The following HIVEP1 variants were observed in gnomAD, a reference collection of about 807,000 sequenced individuals.
The protein encoded by HIVEP1 is zinc finger protein 40.
A neutral mutation model predicts 180.0 loss-of-function variants in HIVEP1; 36 were observed. That is an observed-to-expected ratio of 0.20 (90% confidence interval 0.15 to 0.26). HIVEP1 has a LOEUF of 0.26. Among genes scored for constraint, HIVEP1 ranks in the 10% least tolerant of loss-of-function variants. HIVEP1 has a pLI of 1.00. For synonymous variants in HIVEP1, 1,239 were observed against 1,239.0 expected (o/e 1.00, Z 0.00); for missense variants, 3,143 against 3,268.7 (o/e 0.96, Z 0.94).
intron 3 of HIVEP1, among the ~76,000 whole-genome samples, chr6:12,116,357 A>G (rs1461600283): frequency 6.6e-6 from 1 of 152,216 alleles, no homozygotes; most frequent in East Asian, 1.9e-4. Context: ...TTAGCTGCCC[A>G]CTCTGAGCTG....
Position 12,040,916 on chromosome 6 carries a change from A to G in HIVEP1, c.40+25248A>G, listed in dbSNP as rs561997662. 9.2e-5 allele frequency among the ~76,000 whole-genome samples: 14 copies of G among 152,214 alleles called. 1 individual carries two copies. In the South Asian group the frequency reaches 2.5e-3, roughly 27 times the overall value. The stretch of plus-strand genomic sequence containing the variant: ...GTGCCACACACTTTTAAACAACCAG[A>G]TCTCAGGAGAACTCACTCTCACGAA... On this transcript the variant is annotated intron_variant, in intron 2 of 8. Coordinates refer to ENST00000379388, the MANE Select transcript of HIVEP1 (RefSeq NM_002114.4).
At chr6:12,155,160 C>T (rs219947) in intron 7 of HIVEP1, among the ~76,000 whole-genome samples, 150,118 of 152,332 alleles carry the variant, frequency 0.99, 73,974 homozygotes, top group East Asian at 1. Flanking sequence ...CCACAAAATT[C>T]GAATGTTGTG....
At position 12,125,609 on chromosome 6, in the gene HIVEP1, T is replaced by A. The variant is rs1758017829; in HGVS notation, c.5814T>A (p.Thr1938=). 6.2e-7 allele frequency: 1 copy of A among 1,614,204 alleles called. No individual in the cohort carries two copies. Among genetic ancestry groups the A allele is most frequent in the Non-Finnish European group, 8.5e-7 (1 of 1,180,018 alleles). Residue 1938 remains threonine (T), a synonymous_variant, in exon 4 of 9, where the codon ACT becomes ACA. Coordinates refer to ENST00000379388, the MANE Select transcript of HIVEP1 (RefSeq NM_002114.4). ...AGCTGGCTTTCCCTAGCCTGAAAAC[T>A]ACAACCAACTTTACATGGTGTTATC... The part of the protein sequence containing the change: ...TQQLAFPSLK[T]TTNFTWCYLL...
At chr6:12,149,619 T>G (rs1759579448) in intron 7 of HIVEP1, among the ~76,000 whole-genome samples, 1 of 152,228 alleles carries the variant, frequency 6.6e-6, no homozygotes, top group Non-Finnish European at 1.5e-5. Flanking sequence ...GCTGTGTTTG[T>G]GCTGAGTTGC....
At chr6:12,182,761 G>T in the HIVEP1 span, among the ~76,000 whole-genome samples, 93 of 152,304 alleles carry the variant, frequency 6.1e-4, no homozygotes, top group African/African-American at 2.1e-3. Flanking sequence ...TTGCGAGGAA[G>T]ATCCAGTGAG....
chr6:12,020,002 T>A (rs1768082110), intron 2 of HIVEP1, among the ~76,000 whole-genome samples: 1 of 152,230 alleles, frequency 6.6e-6, no homozygotes, highest in Non-Finnish European at 1.5e-5. Flanking sequence ...CTGCATAGAC[T>A]GCTTTTATAA....
At chr6:12,168,237 A>G (rs1317499645), downstream of HIVEP1, among the ~76,000 whole-genome samples, 70 of 131,366 alleles carry the variant, frequency 5.3e-4, no homozygotes, top group South Asian at 9.5e-4. Flanking sequence ...ATATACATAT[A>G]TATTATATAT....
rs369501102 is a variant in HIVEP1, at chr6:12,123,910, A to G, written c.4115A>G (p.Asn1372Ser). The G allele has an allele frequency of 2.8e-5, 45 of 1,614,074 alleles. No homozygotes were observed. Among genetic ancestry groups the G allele is most frequent in the Non-Finnish European group, 3.6e-5 (42 of 1,180,024 alleles). The change falls in exon 4 of 9, where the codon AAT (asparagine) becomes AGT (serine). Residue 1372 changes from asparagine (N) to serine (S), a missense_variant. By Grantham distance (46) the Asn-to-Ser change is conservative. Transcript: ENST00000379388. ...EMRRTASEQI[N>S]CTQTSMEVSD... is the part of the protein sequence containing the mutation. ...AGGCGTACTGCATCAGAACAGATTA[A>G]TTGCACGCAAACGTCAATGGAGGTC...
intron 3 of HIVEP1, among the ~76,000 whole-genome samples, chr6:12,092,344 T>A (rs1353406548): frequency 6.6e-6 from 1 of 152,234 alleles, no homozygotes; most frequent in East Asian, 1.9e-4. Flanking sequence ...CTTCTGCAGC[T>A]TTTTTCACTT....
intron 4 of HIVEP1, 59 bp from the exon 5 acceptor site, chr6:12,129,700 G>T: frequency 7.4e-7 from 1 of 1,353,556 alleles, no homozygotes; most frequent in Non-Finnish European, 1.1e-6. Flanking sequence ...TCCAGTGAAA[G>T]ATTAGCATGC....
At chr6:12,173,182 A>G in the HIVEP1 span, among the ~76,000 whole-genome samples, 2 of 152,268 alleles carry the variant, frequency 1.3e-5, no homozygotes, top group African/African-American at 2.4e-5. Flanking sequence ...CTTATGAGAA[A>G]AGATTGGAGG....
chr6:12,061,302 AG>A (rs1771215423), intron 2 of HIVEP1, among the ~76,000 whole-genome samples: 1 of 152,280 alleles, frequency 6.6e-6, no homozygotes, highest in Admixed American at 6.5e-5. Flanking sequence ...GGTTATAAAA[AG>A]AGACTAACTT....
At chr6:12,180,795 C>T in the HIVEP1 span, among the ~76,000 whole-genome samples, 5 of 152,118 alleles carry the variant, frequency 3.3e-5, no homozygotes, top group Admixed American at 6.5e-5. Flanking sequence ...TATTCAAATC[C>T]GTGAACATAT....
the HIVEP1 span, among the ~76,000 whole-genome samples, chr6:12,181,290 G>A: frequency 6.6e-6 from 1 of 152,010 alleles, no homozygotes; most frequent in Non-Finnish European, 1.5e-5. Context: ...AAACCGGGAG[G>A]CAGAGGTTAC....
chr6:12,015,769 C>A, intron 2 of HIVEP1, 101 bp downstream of exon 2: 1 of 1,030,286 alleles, frequency 9.7e-7, no homozygotes. Context: ...TTGACCCTGC[C>A]TGGTGAGGAG....
intron 3 of HIVEP1, among the ~76,000 whole-genome samples, chr6:12,116,814 G>A (rs1188912051): frequency 6.6e-6 from 1 of 152,144 alleles, no homozygotes; most frequent in East Asian, 1.9e-4. Context: ...GTGGAAGACA[G>A]GCCCAAATTC....
rs189465431 is a variant in HIVEP1 at position 12,129,790 on chromosome 6, T to C, written c.6107T>C (p.Val2036Ala). The change falls in exon 5 of 9, where the codon GTT (valine) becomes GCT (alanine). Residue 2036 changes from valine (V) to alanine (A), a missense_variant. Val to Ala is a moderately conservative substitution (Grantham distance 64). This residue lies in a region of HIVEP1 where 1,357 missense variants were observed against 1,260.5 expected (regional missense o/e 1.08). Transcript: ENST00000379388. ...RALGNQKSTV[V>A]EFSNKDASEI... is the part of the protein sequence containing the mutation. ...TTAGGTAATCAAAAGTCCACAGTAG[T>C]TGAATTCAGCAATAAAGATGCCTCT... is the stretch of plus-strand genomic sequence containing the variant. 619 of 1,603,904 alleles carry C rather than the reference T, an allele frequency of 3.9e-4. 1 individual carries two copies. Among genetic ancestry groups the C allele is most frequent in the Non-Finnish European group, 5.0e-4 (590 of 1,170,836 alleles).
the HIVEP1 span, among the ~76,000 whole-genome samples, chr6:12,179,380 A>G: frequency 3.9e-5 from 6 of 152,096 alleles, no homozygotes; most frequent in African/African-American, 1.4e-4. Flanking sequence ...CCTCCGCACC[A>G]TCCACCAGCA....
intron 2 of HIVEP1, among the ~76,000 whole-genome samples, chr6:12,023,355 A>G (rs1441091802): frequency 2.0e-5 from 3 of 152,216 alleles, no homozygotes; most frequent in Non-Finnish European, 4.4e-5. Flanking sequence ...TTCAGATGGA[A>G]TTCCAGCTGT....
Sources: gnomAD v4.1 joint callset for allele counts (sites outside exome capture counted in the v4.1 genomes callset) on GRCh38, gnomAD v4.1.1 for gene constraint, gnomAD v4.1.1 regional missense constraint, MANE v1.5 for transcripts, NCBI Gene and HGNC (gene_info 2026-07-23, HGNC 2026-07-21) for gene names.